Variants in CNTN5 observed in about 807,000 individuals in gnomAD.
The protein encoded by CNTN5 is contactin 5.
Under a neutral mutation model 129.1 loss-of-function variants are expected in CNTN5, and 77 were observed. That is an observed-to-expected ratio of 0.60 (90% CI 0.50 to 0.72). CNTN5 has a LOEUF of 0.72. Among genes scored for constraint, CNTN5 ranks in the 30% least tolerant of loss-of-function variants. The pLI, the probability that CNTN5 is intolerant of heterozygous loss-of-function variation, is 0.00. For missense variants in CNTN5, 1,478 were observed against 1,328.8 expected (o/e 1.11, Z -1.75); for synonymous variants, 509 against 465.6 (o/e 1.09, Z -1.20).
intron 23 of CNTN5, among the ~76,000 whole-genome samples, chr11:100,347,591 C>T (rs1024273926): frequency 4.0e-4 from 61 of 152,156 alleles, no homozygotes; most frequent in African/African-American, 1.4e-3. Context: ...TAGAAAGGAA[C>T]AACATGCAAG....
intron 7 of CNTN5, among the ~76,000 whole-genome samples, chr11:99,953,852 T>C (rs1428516340): frequency 6.6e-6 from 1 of 152,220 alleles, no homozygotes; most frequent in Non-Finnish European, 1.5e-5. Flanking sequence ...GATTGAAATT[T>C]AACATAAACA....
At chr11:99,197,584 G>A (rs1408905262) in intron 1 of CNTN5, among the ~76,000 whole-genome samples, 1 of 151,896 alleles carries the variant, frequency 6.6e-6, no homozygotes, top group South Asian at 2.1e-4. Context: ...CCAACATAAA[G>A]AGACCATTAA....
Position 100,357,488 on chromosome 11 carries a change from AT to A in CNTN5, c.*1272del, listed in dbSNP as rs201423132. 6.6e-6 allele frequency: 1 copy of A among 151,548 alleles called. No homozygotes were observed. Among genetic ancestry groups the A allele is most frequent in the East Asian group, 1.9e-4 (1 of 5,164 alleles). 9.4% of individuals were successfully genotyped at this position (151,548 alleles called of 1,614,324 possible). A position where few individuals can be genotyped will look rare whatever the true frequency, so the allele number is the denominator to read the frequency against. ...AGAGTTGTTGGAAAATGAGATGAAA[AT>A]TTTCTACTTGATGATATCTTAAAGA... On this transcript the variant is annotated 3_prime_UTR_variant, in exon 25 of 25. Transcript: ENST00000524871.
Position 100,148,030 on chromosome 11 carries a change from A to AT in CNTN5, c.1581-43094dup, listed in dbSNP as rs1946913805. 2.0e-5 allele frequency among the ~76,000 whole-genome samples: 3 copies of AT among 152,066 alleles called. No homozygotes were observed. The South Asian group carries it at 6.2e-4, about 31-fold the overall frequency. ...TACACTTAACCCCTTTATCTCATTCATTCTCCTCTCATCTGGAAGGTTTAG... is the reference window on the plus strand; with the variant it reads ...TACACTTAACCCCTTTATCTCATTCATTTCTCCTCTCATCTGGAAGGTTTAG... On this transcript the variant is annotated intron_variant, in intron 13 of 24. Coordinates refer to ENST00000524871, the MANE Select transcript of CNTN5 (RefSeq NM_014361.4).
chr11:100,147,284 G>T (rs1378892087), intron 13 of CNTN5, among the ~76,000 whole-genome samples: 1 of 152,102 alleles, frequency 6.6e-6, no homozygotes, highest in Non-Finnish European at 1.5e-5. Context: ...ATAGGGGAAA[G>T]GAATGAGCTC....
chr11:99,966,389 A>G (rs1951094212), intron 8 of CNTN5, among the ~76,000 whole-genome samples: 2 of 152,172 alleles, frequency 1.3e-5, no homozygotes, highest in African/African-American at 4.8e-5. Flanking sequence ...TGGCATTGAT[A>G]GGTGAAGCCA....
intron 8 of CNTN5, among the ~76,000 whole-genome samples, chr11:99,988,206 A>G (rs562477518): frequency 1.1e-4 from 16 of 152,374 alleles, no homozygotes; most frequent in Non-Finnish European, 1.8e-4. Context: ...AACAGCAGGA[A>G]TGCTGGCATT....
intron 19 of CNTN5, 99 bp from the exon 20 acceptor site, chr11:100,299,063 T>C (rs1951162191): frequency 1.4e-6 from 1 of 731,568 alleles, no homozygotes; most frequent in African/African-American, 1.8e-5. Context: ...GATTCTCCCT[T>C]TCTCTAGCTA....
chr11:99,106,207 T>A (rs1866986132), intron 1 of CNTN5, among the ~76,000 whole-genome samples: 1 of 152,024 alleles, frequency 6.6e-6, no homozygotes, highest in Admixed American at 6.6e-5. Context: ...CACTTAAAAT[T>A]GATCAAAAAG....
At chr11:99,077,401 GGCATTA>G in intron 1 of CNTN5, among the ~76,000 whole-genome samples, 1 of 152,196 alleles carries the variant, frequency 6.6e-6, no homozygotes, top group East Asian at 1.9e-4. Context: ...TAATTATTAT[GGCATTA>G]GCCTCCACAC....
chr11:100,222,555 C>T (rs1334017907), intron 15 of CNTN5, among the ~76,000 whole-genome samples: 1 of 151,680 alleles, frequency 6.6e-6, no homozygotes, highest in Non-Finnish European at 1.5e-5. Flanking sequence ...GATTTTATGA[C>T]ATTTTTCAAA....
At chr11:100,052,603 A>T (rs1943017165) in intron 9 of CNTN5, among the ~76,000 whole-genome samples, 1 of 151,844 alleles carries the variant, frequency 6.6e-6, no homozygotes, top group African/African-American at 2.4e-5. Context: ...GGAATACAAG[A>T]CTCAATAGTG....
chr11:99,896,518 T>C (rs1949211374), intron 6 of CNTN5, among the ~76,000 whole-genome samples: 1 of 152,116 alleles, frequency 6.6e-6, no homozygotes, highest in African/African-American at 2.4e-5. Context: ...ACCTCTGTTG[T>C]TCCCTGCCAA....
chr11:99,980,173 G>A (rs1308061769), intron 8 of CNTN5, among the ~76,000 whole-genome samples: 1 of 152,160 alleles, frequency 6.6e-6, no homozygotes, highest in African/African-American at 2.4e-5. Context: ...TAATGTAAGG[G>A]AGAAGTGGAT....
rs5793983 is a variant in CNTN5 at position 99,312,813 on chromosome 11, AT to A, written c.-209-12521del. ...AAAAGGATTTAAGAGAAATTAAGTG[AT>A]TTTTTTTTTTTCCCCAGGAGCCTCA... On this transcript the variant is annotated intron_variant, in intron 1 of 24. Transcript: ENST00000524871. Among the ~76,000 whole-genome samples, 53 of 148,702 alleles carry A rather than the reference AT, an allele frequency of 3.6e-4. No individual in the cohort carries two copies. The East Asian group carries it at 4.9e-3, about 14-fold the overall frequency.
intron 3 of CNTN5, among the ~76,000 whole-genome samples, chr11:99,579,361 G>T (rs890882045): frequency 3.3e-5 from 5 of 151,438 alleles, no homozygotes; most frequent in Non-Finnish European, 5.9e-5. Flanking sequence ...TTCCAATTCT[G>T]TGAAGAAAGT....
chr11:100,068,388 A>G (rs1269321903), intron 10 of CNTN5, among the ~76,000 whole-genome samples: 1 of 152,168 alleles, frequency 6.6e-6, no homozygotes, highest in Admixed American at 6.6e-5. Flanking sequence ...AATTTAGAAT[A>G]AACACTGAAT....
chr11:99,552,207 G>GTTT (rs758718492), intron 2 of CNTN5, among the ~76,000 whole-genome samples: 5,718 of 146,164 alleles, frequency 0.039, 259 homozygotes, highest in East Asian at 0.2. Flanking sequence ...CACCTGGTCA[G>GTTT]TTTTTGTGTT....
chr11:99,982,662 A>G (rs749868704), intron 8 of CNTN5, among the ~76,000 whole-genome samples: 4 of 152,110 alleles, frequency 2.6e-5, no homozygotes, highest in Non-Finnish European at 5.9e-5. Context: ...TTTTTTTGAG[A>G]TGGAGTCTGG....
Sources: allele counts gnomAD v4.1 joint callset (sites outside exome capture counted in the v4.1 genomes callset), GRCh38; gene constraint gnomAD v4.1.1; transcripts MANE v1.5; gene names NCBI Gene and HGNC (gene_info 2026-07-23, HGNC 2026-07-21).